BARD1: variants seen among roughly 807,000 people sequenced by gnomAD.
BARD1 encodes BRCA1-associated RING domain protein 1.
In BARD1, 73 loss-of-function variants were observed where a neutral mutation model predicts 77.0. That is an observed-to-expected ratio of 0.95 (90% CI 0.79 to 1.15). The LOEUF is 1.15. Ranked by LOEUF, BARD1 falls within the 50% of genes most tolerant of loss-of-function variation. The probability of loss-of-function intolerance (pLI) is 0.00; values close to 1 mark genes in which losing one functional copy is unlikely to be tolerated. For synonymous variants in BARD1, 384 were observed against 338.0 expected, an observed-to-expected ratio of 1.14 and a Z score of -1.49; for missense variants, 993 against 938.8, an observed-to-expected ratio of 1.06 and a Z score of -0.75.
At chr2:214,785,234 T>C (rs1351763948) in intron 3 of BARD1, among the ~76,000 whole-genome samples, 1 of 152,048 alleles carries the variant, frequency 6.6e-6, no homozygotes, top group African/African-American at 2.4e-5. Context: ...CTCCATACAA[T>C]GAACCTAAGA....
intron 9 of BARD1, among the ~76,000 whole-genome samples, chr2:214,741,128 A>T (rs902300769): frequency 1.3e-5 from 2 of 152,104 alleles, no homozygotes; most frequent in African/African-American, 4.8e-5. Flanking sequence ...AAAAACACTC[A>T]ATTTAGCCCT....
intron 6 of BARD1, among the ~76,000 whole-genome samples, chr2:214,766,860 A>C (rs371409505): frequency 3.8e-4 from 58 of 151,868 alleles, no homozygotes; most frequent in African/African-American, 1.4e-3. Context: ...TAAGTTGTGA[A>C]GGTTTGTTAT....
intron 9 of BARD1, among the ~76,000 whole-genome samples, chr2:214,738,569 C>T (rs921260352): frequency 3.6e-4 from 54 of 152,024 alleles, no homozygotes; most frequent in African/African-American, 1.2e-3. Flanking sequence ...TCTGTTTTAG[C>T]TGCATGGACC....
At chr2:214,749,631 T>C (rs975225055) in intron 7 of BARD1, among the ~76,000 whole-genome samples, 4 of 152,144 alleles carry the variant, frequency 2.6e-5, no homozygotes, top group African/African-American at 9.7e-5. Context: ...AAAGGACAAC[T>C]TGGTTATGCT....
At chr2:214,752,905 A>G (rs1559395383) in intron 6 of BARD1, among the ~76,000 whole-genome samples, 1 of 152,208 alleles carries the variant, frequency 6.6e-6, no homozygotes. Context: ...ATTATAGGCC[A>G]TATAGTCTTT....
Position 214,738,192 on chromosome 2 carries a change from G to A in BARD1, c.1903+6875C>T, listed in dbSNP as rs188199692. On this transcript the variant is annotated intron_variant, in intron 9 of 10. Coordinates refer to ENST00000260947, the MANE Select transcript of BARD1 (RefSeq NM_000465.4). ...AGGTTTTGACTGAAGCTATCACTTC[G>A]CAGAAACAAACGGATGAACTACTTA... Among the ~76,000 whole-genome samples the A allele has an allele frequency of 4.9e-4, 75 of 152,206 alleles. 1 individual carries two copies. The East Asian group carries it at 7.9e-3, about 16-fold the overall frequency.
rs750878896 is a variant in BARD1, at chr2:214,792,387, T to A, written c.274A>T (p.Ile92Leu). 9.9e-6 allele frequency: 16 copies of A among 1,612,492 alleles called. No homozygotes were observed. Among genetic ancestry groups the A allele is most frequent in the Non-Finnish European group, 1.3e-5 (15 of 1,179,624 alleles). Reference protein sequence around the residue: ...GCPVCYTPAWIQDLKINRQLD... With the variant: ...GCPVCYTPAWLQDLKINRQLD... ...TGTCTATTTATCTTCAAGTCTTGTA[T>A]CCAGGCCGGGGTGTAACACACTGGA... Residue 92 changes from isoleucine (I) to leucine (L), a missense_variant, in exon 3 of 11, where the codon ATA becomes TTA. Ile to Leu is a conservative substitution (Grantham distance 5). Transcript: ENST00000260947.
intron 7 of BARD1, among the ~76,000 whole-genome samples, chr2:214,751,936 G>A (rs889851098): frequency 6.6e-6 from 1 of 152,032 alleles, no homozygotes; most frequent in Non-Finnish European, 1.5e-5. Flanking sequence ...CCTATACACT[G>A]TGTCCTCCAG....
At chr2:214,809,262 C>T in intron 1 of BARD1, 150 bp downstream of exon 1, 1 of 1,090,656 alleles carries the variant, frequency 9.2e-7, no homozygotes, top group Non-Finnish European at 1.3e-6. Flanking sequence ...GTTGTTAATA[C>T]TATATCCCCC....
chr2:214,737,055 T>C (rs866703680), intron 9 of BARD1, among the ~76,000 whole-genome samples: 1 of 152,090 alleles, frequency 6.6e-6, no homozygotes, highest in African/African-American at 2.4e-5. Context: ...GTTGCTGTTA[T>C]AGCATAGAAA....
chr2:214,746,653 A>G (rs1382041692), intron 7 of BARD1, among the ~76,000 whole-genome samples: 4 of 152,190 alleles, frequency 2.6e-5, no homozygotes, highest in Non-Finnish European at 5.9e-5. Flanking sequence ...TTAAAAGTTC[A>G]GCTCATCTTT....
At chr2:214,731,479 A>G (rs1158886948) in intron 9 of BARD1, among the ~76,000 whole-genome samples, 2 of 152,268 alleles carry the variant, frequency 1.3e-5, no homozygotes, top group Admixed American at 1.3e-4. Flanking sequence ...CTGATGGCAT[A>G]TAACTAAACT....
intron 5 of BARD1, 109 bp from the exon 6 acceptor site, chr2:214,767,763 T>G (rs79816118): frequency 1.6e-5 from 16 of 1,024,854 alleles, no homozygotes; most frequent in African/African-American, 3.2e-5. Context: ...GGCAGTAAAT[T>G]TATTGTTACC....
rs181733772 is a variant in BARD1, at chr2:214,764,046, G to C, written c.1568+3436C>G. ...TGCCATGGATGCCAATTGGGCAAAAGCTGCCAGGAACCAGTTCAACCACCT... is the reference window on the plus strand; with the variant it reads ...TGCCATGGATGCCAATTGGGCAAAACCTGCCAGGAACCAGTTCAACCACCT... On this transcript the variant is annotated intron_variant, in intron 6 of 10. Coordinates refer to ENST00000260947, the MANE Select transcript of BARD1 (RefSeq NM_000465.4). Among the ~76,000 whole-genome samples, 3 of 152,302 alleles carry C rather than the reference G, an allele frequency of 2.0e-5. No homozygotes were observed. The East Asian group carries it at 5.8e-4, about 29-fold the overall frequency.
intron 3 of BARD1, among the ~76,000 whole-genome samples, chr2:214,788,468 T>C (rs1695374347): frequency 6.6e-6 from 1 of 152,122 alleles, no homozygotes. Flanking sequence ...TAGGCTTCTT[T>C]ATCTCCAGTA....
intron 6 of BARD1, among the ~76,000 whole-genome samples, chr2:214,758,300 G>T (rs112215838): frequency 0.012 from 1,755 of 152,208 alleles, 43 homozygotes; most frequent in African/African-American, 0.039. Context: ...CTATTTTACA[G>T]GATTGTTGCC....
intron 9 of BARD1, among the ~76,000 whole-genome samples, chr2:214,733,443 C>T (rs994495567): frequency 2.0e-5 from 3 of 152,122 alleles, no homozygotes; most frequent in African/African-American, 7.2e-5. Context: ...TGCGTTTAGA[C>T]TGTGAGCCAT....
At chr2:214,751,117 G>GTGTGTA (rs1486423673) in intron 7 of BARD1, among the ~76,000 whole-genome samples, 6 of 16,292 alleles carry the variant, frequency 3.7e-4, no homozygotes, top group Admixed American at 1.0e-3. Flanking sequence ...GTGTGTGTGT[G>GTGTGTA]TATATATATA....
chr2:214,775,799 G>A (rs183671417), intron 4 of BARD1, among the ~76,000 whole-genome samples: 1 of 152,342 alleles, frequency 6.6e-6, no homozygotes, highest in East Asian at 1.9e-4. Context: ...GTGAGTGACA[G>A]AGGAGAAAAA....
Sources: gnomAD v4.1 joint callset for allele counts (sites outside exome capture counted in the v4.1 genomes callset) on GRCh38, gnomAD v4.1.1 for gene constraint, MANE v1.5 for transcripts, NCBI Gene and HGNC (gene_info 2026-07-23, HGNC 2026-07-21) for gene names.